PLCB4: variants seen among roughly 807,000 people sequenced by gnomAD.
PLCB4 encodes 1-phosphatidylinositol 4,5-bisphosphate phosphodiesterase beta-4.
A neutral mutation model predicts 178.8 loss-of-function variants in PLCB4; 77 were observed. The observed-to-expected ratio is 0.43, with a 90% confidence interval of 0.36 to 0.52. PLCB4 has a LOEUF of 0.52. Ranked by LOEUF, PLCB4 falls within the 20% of genes least tolerant of loss-of-function variation. The probability of loss-of-function intolerance (pLI) is 0.00; values close to 1 mark genes in which losing one functional copy is unlikely to be tolerated. For missense variants in PLCB4, 1,024 were observed against 1,453.4 expected (o/e 0.70, Z 4.80); for synonymous variants, 496 against 490.8 (o/e 1.01, Z -0.14).
chr20:9,379,813 G>A (rs1384409408), intron 12 of PLCB4, among the ~76,000 whole-genome samples: 1 of 152,016 alleles, frequency 6.6e-6, no homozygotes, highest in Admixed American at 6.5e-5. Context: ...ACTTTTGAAG[G>A]GGAAAAAATG....
chr20:9,112,469 G>T (rs535318220), intron 2 of PLCB4, among the ~76,000 whole-genome samples: 18 of 151,998 alleles, frequency 1.2e-4, no homozygotes, highest in African/African-American at 4.3e-4. Context: ...GGCCAGGCAG[G>T]TCTCAAACTC....
chr20:9,476,758 G>A lies in PLCB4; in HGVS notation c.3532+5G>A, dbSNP rs1348849394. On this transcript the variant is annotated splice_donor_5th_base_variant and intron_variant, in intron 39 of 39. Transcript: ENST00000378473. ...ATGCAGTGTCCCAAACGCAAGGTAG[G>A]ACCGAAACTCTGATAAGCAAGACGT... 6.2e-7 allele frequency: 1 copy of A among 1,602,946 alleles called. No individual in the cohort carries two copies. The highest frequency in any genetic ancestry group is 1.3e-5 in the African/African-American group (1 of 74,804).
intron 15 of PLCB4, 45 bp from the exon 16 acceptor site, chr20:9,389,834 T>A (rs1361478717): frequency 1.9e-6 from 2 of 1,069,490 alleles, no homozygotes; most frequent in African/African-American, 1.6e-5. Context: ...GTGCCTTAAT[T>A]TTTTTGCTCT....
chr20:9,174,709 A>G (rs2093125247), intron 2 of PLCB4, among the ~76,000 whole-genome samples: 1 of 152,036 alleles, frequency 6.6e-6, no homozygotes, highest in East Asian at 1.9e-4. Flanking sequence ...CTTCCTTCAC[A>G]ATTGTCTTAT....
At chr20:9,368,974 TC>T (rs2036010906) in intron 9 of PLCB4, among the ~76,000 whole-genome samples, 1 of 152,160 alleles carries the variant, frequency 6.6e-6, no homozygotes, top group African/African-American at 2.4e-5. Context: ...TAAATCACAT[TC>T]CCTTTGTAAA....
At chr20:9,441,622 ATTGGACATACTTCTCAGAGGTCTCCTCT>A (rs1473876019) in intron 30 of PLCB4, among the ~76,000 whole-genome samples, 2 of 152,120 alleles carry the variant, frequency 1.3e-5, no homozygotes, top group African/African-American at 4.8e-5. Flanking sequence ...GGGGGCTGGT[ATTGGACATACTTCTCAGAGGTCTCCTCT>A]TAGAGGGATG....
At chr20:9,419,066 T>G (rs1282541843) in intron 25 of PLCB4, among the ~76,000 whole-genome samples, 2 of 152,168 alleles carry the variant, frequency 1.3e-5, no homozygotes, top group Non-Finnish European at 2.9e-5. Flanking sequence ...AGTGGATTCC[T>G]TAGAGTTTTT....
intron 2 of PLCB4, among the ~76,000 whole-genome samples, chr20:9,130,636 C>T (rs2092248888): frequency 6.6e-6 from 1 of 152,144 alleles, no homozygotes. Flanking sequence ...GACGTTTGCA[C>T]ATGATAATTT....
At chr20:9,205,253 G>A (rs2093602144) in intron 2 of PLCB4, among the ~76,000 whole-genome samples, 1 of 152,198 alleles carries the variant, frequency 6.6e-6, no homozygotes, top group African/African-American at 2.4e-5. Context: ...CTTTGTGTTA[G>A]ATGATTTTGC....
intron 33 of PLCB4, among the ~76,000 whole-genome samples, chr20:9,456,201 T>G (rs2043048148): frequency 6.6e-6 from 1 of 152,194 alleles, no homozygotes; most frequent in African/African-American, 2.4e-5. Flanking sequence ...GTGACAGTCC[T>G]TGGAGCTTTC....
intron 2 of PLCB4, among the ~76,000 whole-genome samples, chr20:9,205,657 G>A (rs1312116539): frequency 6.6e-6 from 1 of 152,124 alleles, no homozygotes; most frequent in African/African-American, 2.4e-5. Flanking sequence ...ACTCATTTGT[G>A]TGTGTGTGTT....
chr20:9,331,162 A>C (rs1346269459), intron 4 of PLCB4, among the ~76,000 whole-genome samples: 1 of 152,194 alleles, frequency 6.6e-6, no homozygotes, highest in Non-Finnish European at 1.5e-5. Flanking sequence ...ACCACTGTGG[A>C]CTGCCACCTC....
intron 2 of PLCB4, among the ~76,000 whole-genome samples, chr20:9,163,395 C>T (rs563107590): frequency 4.5e-4 from 69 of 152,202 alleles, no homozygotes; most frequent in South Asian, 1.5e-3. Context: ...TCTCTTAGAG[C>T]CCCAGCAGGT....
intron 2 of PLCB4, among the ~76,000 whole-genome samples, chr20:9,209,451 C>G (rs968190718): frequency 6.6e-6 from 1 of 151,716 alleles, no homozygotes; most frequent in African/African-American, 2.4e-5. Flanking sequence ...GATGTCACTC[C>G]TGTGATTAAG....
At chr20:9,383,573 G>T (rs1036324639) in intron 13 of PLCB4, among the ~76,000 whole-genome samples, 1 of 152,164 alleles carries the variant, frequency 6.6e-6, no homozygotes, top group African/African-American at 2.4e-5. Flanking sequence ...GAAATGAAGG[G>T]TGGCTTTTGG....
At position 9,108,129 on chromosome 20, in the gene PLCB4, A is replaced by G. The variant is rs550491027; in HGVS notation, c.-79+11787A>G. ...GATCAGGAGTTGGTTTTGGATATGT[A>G]AAATCATGATTCCCATTAGGTGTCC... is the stretch of plus-strand genomic sequence containing the variant. On this transcript the variant is annotated intron_variant, in intron 2 of 39. Coordinates refer to ENST00000378473, the MANE Select transcript of PLCB4 (RefSeq NM_001377142.1). Among the ~76,000 whole-genome samples the G allele has an allele frequency of 8.7e-4, 132 of 152,294 alleles. No individual in the cohort carries two copies. The South Asian group carries it at 0.013, about 15-fold the overall frequency.
chr20:9,437,951 T>C (rs902027118), intron 30 of PLCB4, among the ~76,000 whole-genome samples: 1 of 152,310 alleles, frequency 6.6e-6, no homozygotes, highest in Non-Finnish European at 1.5e-5. Context: ...CCTGGAACCA[T>C]GCCTAGTTAA....
chr20:9,425,967 T>G (rs1370792760), intron 28 of PLCB4, among the ~76,000 whole-genome samples: 1 of 152,144 alleles, frequency 6.6e-6, no homozygotes, highest in Admixed American at 6.5e-5. Context: ...CCTCCCACAT[T>G]CATATCTCAG....
chr20:9,258,714 CAAAAAAAAA>C (rs969525907), intron 3 of PLCB4, among the ~76,000 whole-genome samples: 1 of 62,780 alleles, frequency 1.6e-5, no homozygotes, highest in Admixed American at 1.7e-4. Context: ...GACTTCCTCT[CAAAAAAAAA>C]AAAAAAAAAA....
Sources: gnomAD v4.1 joint callset for allele counts (sites outside exome capture counted in the v4.1 genomes callset) on GRCh38, gnomAD v4.1.1 for gene constraint, MANE v1.5 for transcripts, NCBI Gene and HGNC (gene_info 2026-07-23, HGNC 2026-07-21) for gene names.